Variants in RBM19 observed in about 807,000 individuals in gnomAD.
RBM19 encodes RNA binding motif protein 19, also known as probable RNA-binding protein 19.
RBM19 carries 94 observed loss-of-function variants against 116.8 expected under a neutral mutation model. That is an observed-to-expected ratio of 0.80 (90% CI 0.68 to 0.95). The LOEUF is 0.95. Ranked by LOEUF, RBM19 falls within the 40% of genes least tolerant of loss-of-function variation. The pLI is 0.00. For missense variants in RBM19, 1,161 were observed against 1,220.7 expected (o/e 0.95, Z 0.73); for synonymous variants, 475 against 494.1 (o/e 0.96, Z 0.51).
chr12:113,839,264 G>T (rs1230674486), intron 23 of RBM19, among the ~76,000 whole-genome samples: 2 of 152,248 alleles, frequency 1.3e-5, no homozygotes, highest in African/African-American at 4.8e-5. Flanking sequence ...AGGGTGGGGA[G>T]AAGGGTCTGG....
downstream of RBM19, among the ~76,000 whole-genome samples, chr12:113,820,227 T>C (rs1485608419): frequency 7.7e-6 from 1 of 129,664 alleles, no homozygotes; most frequent in African/African-American, 3.1e-5. Flanking sequence ...ACAATAACAC[T>C]AGTGATAACT....
intron 6 of RBM19, among the ~76,000 whole-genome samples, chr12:113,956,021 T>C (rs958064070): frequency 2.0e-5 from 3 of 152,084 alleles, no homozygotes; most frequent in African/African-American, 7.2e-5. Context: ...CTACCATGAG[T>C]GCCTTTTTGT....
In RBM19 at chr12:113,946,431, G is replaced by A. The variant is rs1871029984; in HGVS notation, c.1452C>T (p.Ala484=). 6.2e-7 allele frequency: 1 copy of A among 1,614,086 alleles called. No individual in the cohort carries two copies. Among genetic ancestry groups the A allele is most frequent in the Non-Finnish European group, 8.5e-7 (1 of 1,180,002 alleles). The part of the protein sequence containing the change: ...HVLPSTIKKE[A]SEDASALGSS... ...ATCCCAGGGCACTGGCATCCTCGCT[G>A]GCTTCCTTCTTGATGGTAGATGGTA... Residue 484 remains alanine, a synonymous_variant, in exon 12 of 24, where the codon GCC becomes GCT. Transcript: ENST00000261741.
downstream of RBM19, among the ~76,000 whole-genome samples, chr12:113,818,356 AG>A (rs1439382553): frequency 6.6e-6 from 1 of 152,032 alleles, no homozygotes; most frequent in Non-Finnish European, 1.5e-5. Context: ...GGTTCTGTGC[AG>A]GAAGAGCCAG....
At chr12:113,954,625 G>A (rs1871753016) in intron 7 of RBM19, among the ~76,000 whole-genome samples, 1 of 152,078 alleles carries the variant, frequency 6.6e-6, no homozygotes, top group African/African-American at 2.4e-5. Flanking sequence ...TTTCTATATT[G>A]AACTACTACT....
intron 16 of RBM19, chr12:113,932,705 G>C (rs1869709954): frequency 6.6e-6 from 1 of 152,190 alleles, no homozygotes; most frequent in Non-Finnish European, 1.5e-5. Flanking sequence ...GGAGACAAAA[G>C]AAAGATGGGA....
At chr12:113,909,356 A>T (rs1407080808) in intron 21 of RBM19, among the ~76,000 whole-genome samples, 1,823 of 151,812 alleles carry the variant, frequency 0.012, 12 homozygotes, top group South Asian at 0.022. Flanking sequence ...CCTAGCTTCA[A>T]AGGATCCTCC....
chr12:113,904,200 G>A lies in RBM19; in HGVS notation c.2558+10769C>T, dbSNP rs189889608. On this transcript the variant is annotated intron_variant, in intron 21 of 23. Transcript: ENST00000261741. ...AGAGCACTGAGCTCCCAATAAGCAC[G>A]TGGTTATTTGTGGACTGCCCTTGAT... is the stretch of plus-strand genomic sequence containing the variant. Among the ~76,000 whole-genome samples, 122 of 152,302 alleles carry A rather than the reference G, an allele frequency of 8.0e-4. 1 individual carries two copies. Among genetic ancestry groups the A allele is most frequent in the African/African-American group, 2.7e-3 (111 of 41,572 alleles).
chr12:113,896,280 C>T lies in RBM19; in HGVS notation c.2558+18689G>A, dbSNP rs535768817. ...TATCTTCCCTGTAATGTGCTTTGTT[C>T]GCTTGCCCCAGAGCAGGGAAAACCA... On this transcript the variant is annotated intron_variant, in intron 21 of 23. Transcript: ENST00000261741. 2.6e-5 allele frequency among the ~76,000 whole-genome samples: 4 copies of T among 152,312 alleles called. No individual in the cohort carries two copies. In the East Asian group the frequency reaches 7.7e-4, roughly 29 times the overall value.
intron 21 of RBM19, among the ~76,000 whole-genome samples, chr12:113,899,972 C>T (rs754073764): frequency 1.3e-5 from 2 of 152,104 alleles, no homozygotes; most frequent in Non-Finnish European, 2.9e-5. Flanking sequence ...AGTGAGCTGC[C>T]GCGGCTGCTT....
At position 113,918,438 on chromosome 12, in the gene RBM19, C is replaced by A; in HGVS notation, c.2395G>T (p.Val799Leu). The A allele has an allele frequency of 6.2e-7, 1 of 1,614,170 alleles. No homozygotes were observed. The highest frequency in any genetic ancestry group is 1.3e-5 in the African/African-American group (1 of 75,052). The change falls in exon 20 of 24, where the codon GTG becomes TTG. Residue 799 changes from valine (V) to leucine (L), a missense_variant. Physicochemically the swap from Val to Leu is conservative, Grantham distance 32. Coordinates refer to ENST00000261741, the MANE Select transcript of RBM19 (RefSeq NM_016196.4). ...CTCACTTCCAGCTTGTGGCCGTCCA[C>A]GACGTGACCCTAAGAGAGAAGACAA... ...KALKQLQGHV[V>L]DGHKLEVRIS... is the part of the protein sequence containing the mutation.
intron 4 of RBM19, 36 bp from the exon 5 acceptor site, chr12:113,959,440 G>C: frequency 1.3e-6 from 2 of 1,580,550 alleles, no homozygotes; most frequent in Non-Finnish European, 1.7e-6. Context: ...AGGGACACGG[G>C]AAAAAGAGAG....
intron 1 of RBM19, among the ~76,000 whole-genome samples, chr12:113,962,714 A>G (rs1872606325): frequency 6.6e-6 from 1 of 152,260 alleles, no homozygotes; most frequent in African/African-American, 2.4e-5. Context: ...AAGCAGTATT[A>G]CGTCTGCTAC....
intron 21 of RBM19, among the ~76,000 whole-genome samples, chr12:113,907,745 C>A (rs1024957439): frequency 6.6e-6 from 1 of 152,182 alleles, no homozygotes. Context: ...CGTGCCAAAT[C>A]CCCACTTAGG....
chr12:113,931,672 G>T (rs1324285978), intron 16 of RBM19, among the ~76,000 whole-genome samples: 3 of 151,928 alleles, frequency 2.0e-5, no homozygotes, highest in Non-Finnish European at 4.4e-5. Flanking sequence ...TTTTCTGATG[G>T]CCGAGCCTGC....
intron 21 of RBM19, among the ~76,000 whole-genome samples, chr12:113,874,252 TA>T (rs904889919): frequency 2.6e-5 from 4 of 152,360 alleles, no homozygotes; most frequent in African/African-American, 9.6e-5. Flanking sequence ...AGGTGCCCAC[TA>T]AAAAGTGTCT....
At chr12:113,876,984 T>A (rs1879713088) in intron 21 of RBM19, among the ~76,000 whole-genome samples, 1 of 152,016 alleles carries the variant, frequency 6.6e-6, no homozygotes, top group African/African-American at 2.4e-5. Context: ...ACTTTACACA[T>A]GAGGAAAGGG....
intron 8 of RBM19, among the ~76,000 whole-genome samples, 179 bp downstream of exon 8, chr12:113,952,333 C>G (rs1022186049): frequency 1.3e-5 from 2 of 152,312 alleles, no homozygotes; most frequent in Non-Finnish European, 2.9e-5. Context: ...ACTAGGCCAC[C>G]AAAGGCTGGG....
chr12:113,855,670 A>C (rs1877839495), intron 22 of RBM19, among the ~76,000 whole-genome samples: 2 of 152,136 alleles, frequency 1.3e-5, no homozygotes, highest in Non-Finnish European at 2.9e-5. Flanking sequence ...GGGATCATGG[A>C]GGATCCTCTA....
Sources: allele counts gnomAD v4.1 joint callset (sites outside exome capture counted in the v4.1 genomes callset), GRCh38; gene constraint gnomAD v4.1.1; transcripts MANE v1.5; gene names NCBI Gene and HGNC (gene_info 2026-07-23, HGNC 2026-07-21).